Variants in DPP10 observed in about 807,000 individuals in gnomAD.
The protein encoded by DPP10 is inactive dipeptidyl peptidase 10.
A neutral mutation model predicts 120.9 loss-of-function variants in DPP10; 33 were observed. That is an observed-to-expected ratio of 0.27 (90% CI 0.21 to 0.37). DPP10 has a LOEUF of 0.37. DPP10 is among the 10% of genes least tolerant of loss of function. The pLI is 1.00. For missense variants in DPP10, 816 were observed against 942.8 expected (o/e 0.87, Z 1.76); for synonymous variants, 337 against 326.1 (o/e 1.03, Z -0.36).
At chr2:115,384,682 AGG>A (rs1412772228) in intron 3 of DPP10, among the ~76,000 whole-genome samples, 8 of 147,486 alleles carry the variant, frequency 5.4e-5, no homozygotes, top group South Asian at 4.3e-4. Flanking sequence ...GAAGAAGAAG[AGG>A]AAGAAGAAGA....
intron 2 of DPP10, among the ~76,000 whole-genome samples, chr2:115,328,509 C>CT (rs2062498372): frequency 6.6e-6 from 1 of 151,986 alleles, no homozygotes; most frequent in South Asian, 2.1e-4. Context: ...TTGATGAGCA[C>CT]TTTGAGTCAC....
intron 1 of DPP10, among the ~76,000 whole-genome samples, chr2:115,168,820 G>A (rs557690405): frequency 3.3e-4 from 50 of 152,186 alleles, no homozygotes; most frequent in South Asian, 2.3e-3. Flanking sequence ...TAAATTCTTA[G>A]AATCTCAGGC....
intron 1 of DPP10, among the ~76,000 whole-genome samples, chr2:115,134,491 G>A (rs114781867): frequency 6.6e-6 from 1 of 152,132 alleles, no homozygotes; most frequent in African/African-American, 2.4e-5. Context: ...AACTGAGTGA[G>A]GAGGAAGTCA....
intron 1 of DPP10, among the ~76,000 whole-genome samples, chr2:114,520,575 A>G (rs1376738393): frequency 1.3e-5 from 2 of 152,228 alleles, no homozygotes; most frequent in African/African-American, 4.8e-5. Context: ...GAATTCTAGT[A>G]AAAGATGATT....
chr2:115,301,527 A>G (rs2061134635), intron 1 of DPP10, among the ~76,000 whole-genome samples: 1 of 151,268 alleles, frequency 6.6e-6, no homozygotes, highest in Admixed American at 6.6e-5. Context: ...AAGCACAAGC[A>G]ATAATGCCGT....
intron 1 of DPP10, among the ~76,000 whole-genome samples, chr2:114,634,268 A>G (rs977199221): frequency 6.6e-5 from 10 of 152,056 alleles, no homozygotes; most frequent in East Asian, 1.9e-4. Flanking sequence ...AAGCTTTTAC[A>G]TAGTTCAAAA....
chr2:114,970,159 C>T (rs144739072), intron 1 of DPP10, among the ~76,000 whole-genome samples: 1 of 152,200 alleles, frequency 6.6e-6, no homozygotes, highest in Non-Finnish European at 1.5e-5. Flanking sequence ...GGAGCATGCA[C>T]AAGTTTTCAA....
intron 1 of DPP10, among the ~76,000 whole-genome samples, chr2:114,961,524 G>C (rs929274768): frequency 6.6e-6 from 1 of 151,800 alleles, no homozygotes; most frequent in Non-Finnish European, 1.5e-5. Context: ...AATAATTAAA[G>C]GTATCTTATG....
At chr2:114,924,456 G>A (rs1216898257) in intron 1 of DPP10, among the ~76,000 whole-genome samples, 1 of 151,798 alleles carries the variant, frequency 6.6e-6, no homozygotes, top group African/African-American at 2.4e-5. Context: ...GAACCTGGGA[G>A]GCAGAGTTTG....
At chr2:115,413,208 C>T (rs1459077263) in intron 3 of DPP10, among the ~76,000 whole-genome samples, 1 of 152,136 alleles carries the variant, frequency 6.6e-6, no homozygotes, top group Non-Finnish European at 1.5e-5. Context: ...AGGAGATTAG[C>T]AAGAAGTCTG....
intron 1 of DPP10, among the ~76,000 whole-genome samples, chr2:115,126,181 T>C (rs2050074121): frequency 6.6e-6 from 1 of 152,162 alleles, no homozygotes; most frequent in Non-Finnish European, 1.5e-5. Flanking sequence ...TGCAAAGGTG[T>C]GATCTTGGCT....
At chr2:115,558,681 TAAAA>T (rs892882201) in intron 5 of DPP10, among the ~76,000 whole-genome samples, 1 of 151,260 alleles carries the variant, frequency 6.6e-6, no homozygotes, top group Non-Finnish European at 1.5e-5. Context: ...GTTTTCATAC[TAAAA>T]AAAAATTACT....
chr2:115,035,005 CT>C (rs1704126008), intron 1 of DPP10, among the ~76,000 whole-genome samples: 1 of 152,214 alleles, frequency 6.6e-6, no homozygotes, highest in African/African-American at 2.4e-5. Flanking sequence ...CACGTAAGGC[CT>C]TTCCCAATCT....
intron 5 of DPP10, among the ~76,000 whole-genome samples, chr2:115,558,571 A>G (rs1323068913): frequency 6.6e-6 from 1 of 152,192 alleles, no homozygotes; most frequent in Non-Finnish European, 1.5e-5. Context: ...GGTGGTCTCT[A>G]TACCACAGTC....
intron 1 of DPP10, chr2:115,064,555 C>T (rs1196445006): frequency 1.1e-6 from 1 of 907,586 alleles, no homozygotes; most frequent in East Asian, 6.4e-5. Flanking sequence ...AATTCTGCCC[C>T]ACCACCCACC....
chr2:114,711,829 C>A (rs1437815897), intron 1 of DPP10, among the ~76,000 whole-genome samples: 1 of 152,062 alleles, frequency 6.6e-6, no homozygotes, highest in Non-Finnish European at 1.5e-5. Context: ...ATTTAATTAG[C>A]ATGCCATTGT....
chr2:115,555,906 A>G (rs1025070562), intron 5 of DPP10, among the ~76,000 whole-genome samples: 4 of 152,020 alleles, frequency 2.6e-5, no homozygotes, highest in African/African-American at 9.7e-5. Flanking sequence ...CATAGAGGAT[A>G]TTTCTCTGTA....
chr2:114,887,735 G>A (rs1230293154), intron 1 of DPP10, among the ~76,000 whole-genome samples: 1 of 152,208 alleles, frequency 6.6e-6, no homozygotes, highest in Non-Finnish European at 1.5e-5. Context: ...AGAAAGCAGA[G>A]GTGTTGGTGT....
chr2:115,154,891 A>C (rs1028125722), intron 1 of DPP10, among the ~76,000 whole-genome samples: 1 of 148,240 alleles, frequency 6.7e-6, no homozygotes, highest in East Asian at 2.0e-4. Context: ...TTTTGCCATT[A>C]CTTTTTTTTT....
Sources: allele counts gnomAD v4.1 joint callset (sites outside exome capture counted in the v4.1 genomes callset), GRCh38; gene constraint gnomAD v4.1.1; transcripts MANE v1.5; gene names NCBI Gene and HGNC (gene_info 2026-07-23, HGNC 2026-07-21).